Variants in CASK observed in about 807,000 individuals in gnomAD.
CASK encodes calcium/calmodulin dependent serine protein kinase, also known as peripheral plasma membrane protein CASK.
In CASK, 4 loss-of-function variants were observed where a neutral mutation model predicts 82.9. The observed-to-expected ratio is 0.05, with a 90% CI of 0.02 to 0.11. CASK has a LOEUF of 0.11. Ranked by LOEUF, CASK falls within the 10% of genes least tolerant of loss-of-function variation. The probability of loss-of-function intolerance (pLI) is 1.00; values close to 1 mark genes in which losing one functional copy is unlikely to be tolerated. For missense variants in CASK, 358 were observed against 720.9 expected (o/e 0.50, Z 5.76); for synonymous variants, 259 against 253.5 (o/e 1.02, Z -0.20).
At chrX:41,833,061 C>T in intron 2 of CASK, among the ~76,000 whole-genome samples, 1 of 112,228 alleles carries the variant, frequency 8.9e-6, no homozygotes, top group Non-Finnish European at 1.9e-5. Context: ...TGGGAATGTG[C>T]ATGTTGAATG....
intron 5 of CASK, chrX:41,697,127 A>C (rs2067704113): frequency 6.6e-6 from 1 of 151,383 alleles, no homozygotes; most frequent in Non-Finnish European, 1.4e-5. Flanking sequence ...TGTGTTTAAA[A>C]GTAAATGATT....
chrX:41,836,034 C>A (rs900911444), intron 2 of CASK, among the ~76,000 whole-genome samples: 4 of 111,632 alleles, frequency 3.6e-5, no homozygotes, highest in African/African-American at 1.3e-4. Context: ...TCAAAACAGA[C>A]ACACATACAC....
intron 2 of CASK, among the ~76,000 whole-genome samples, chrX:41,804,686 G>C (rs2070076667): frequency 9.0e-6 from 1 of 111,350 alleles, no homozygotes; most frequent in African/African-American, 3.3e-5. Context: ...TTTTTGGGAA[G>C]GGTTATTTTA....
Position 41,854,224 on chromosome X carries a change from G to GCACACACA in CASK, c.60-1005_60-998dup, listed in dbSNP as rs4007745. 7.6e-3 allele frequency among the ~76,000 whole-genome samples: 623 copies of GCACACACA among 81,649 alleles called. 6 individuals carry two copies. Among genetic ancestry groups the GCACACACA allele is most frequent in the African/African-American group, 0.019 (418 of 21,718 alleles). The allele number at this position is 81,649 out of a possible 115,157, so 70.9% of individuals were successfully genotyped here. A position where few individuals can be genotyped will look rare whatever the true frequency, so the allele number is the denominator to read the frequency against. The stretch of plus-strand genomic sequence containing the variant: ...AACATGCGCGCGCGCGCGGGCGCGC[G>GCACACACA]CACACACACACACACACACACACAC... On this transcript the variant is annotated intron_variant, in intron 1 of 26. Coordinates refer to ENST00000378163, the MANE Select transcript of CASK (RefSeq NM_001367721.1).
Position 41,660,537 on chromosome X carries a change from T to C in CASK, c.733A>G (p.Ile245Val), listed in dbSNP as rs1459833004. ...YKMNPRQWSH[I>V]SESAKDLVRR... ...ACTAGGTCTTTGGCACTTTCAGAGA[T>C]ATGGCTCCACTGCCTTGGATTCATC... The change falls in exon 8 of 27, where the codon ATC becomes GTC. Residue 245 changes from isoleucine (I) to valine (V), a missense_variant. Ile to Val is a conservative substitution (Grantham distance 29). Coordinates refer to ENST00000378163, the MANE Select transcript of CASK (RefSeq NM_001367721.1). The C allele has an allele frequency of 8.3e-7, 1 of 1,205,227 alleles. No homozygotes were observed. The highest frequency in any genetic ancestry group is 1.8e-5 in the South Asian group (1 of 56,858).
At chrX:41,908,597 A>T (rs779359334) in intron 1 of CASK, among the ~76,000 whole-genome samples, 22 of 112,094 alleles carry the variant, frequency 2.0e-4, no homozygotes, top group Non-Finnish European at 3.8e-4. Flanking sequence ...ACAGGCTACC[A>T]CCACTACCTA....
intron 3 of CASK, among the ~76,000 whole-genome samples, chrX:41,785,732 C>G (rs1489291029): frequency 8.9e-6 from 1 of 111,844 alleles, no homozygotes; most frequent in Admixed American, 9.5e-5. Context: ...TGTTAGCTAG[C>G]CCTTTGTAGG....
At chrX:41,665,204 C>G in intron 7 of CASK, 73 bp downstream of exon 7, 1 of 907,255 alleles carries the variant, frequency 1.1e-6, no homozygotes, top group Non-Finnish European at 1.6e-6. Flanking sequence ...CAAAGACAGA[C>G]AGTAACTTCA....
chrX:41,889,278 T>C (rs986037811), intron 1 of CASK, among the ~76,000 whole-genome samples: 1 of 109,630 alleles, frequency 9.1e-6, no homozygotes, highest in Admixed American at 9.8e-5. Context: ...AGTGTAAGAG[T>C]GTTCCCTTTT....
chrX:41,567,331 T>A (rs2065333769), intron 16 of CASK, among the ~76,000 whole-genome samples: 1 of 112,007 alleles, frequency 8.9e-6, no homozygotes, highest in African/African-American at 3.2e-5. Flanking sequence ...ATTTTTGCAA[T>A]CTACCCATCT....
chrX:41,534,656 A>C, intron 24 of CASK, 50 bp downstream of exon 24: 1 of 981,100 alleles, frequency 1.0e-6, no homozygotes, highest in Non-Finnish European at 1.5e-6. Context: ...TTATAGAGTT[A>C]AAAAAGTGAT....
At chrX:41,660,383 T>C in intron 8 of CASK, 56 bp downstream of exon 8, 2 of 1,017,077 alleles carry the variant, frequency 2.0e-6, no homozygotes, top group Non-Finnish European at 1.4e-6. Context: ...AACGCATTCC[T>C]GTCACTGGAA....
rs1460248705 is a variant in CASK, at chrX:41,515,695, A to T, written c.*4725T>A. The T allele has an allele frequency of 2.7e-5, 3 of 111,630 alleles. No homozygotes were observed. The highest frequency in any genetic ancestry group is 5.7e-5 in the Non-Finnish European group (3 of 53,081). The allele number at this position is 111,630 out of a possible 1,213,427, so 9.2% of individuals were successfully genotyped here. A position where few individuals can be genotyped will look rare whatever the true frequency, so the allele number is the denominator to read the frequency against. On this transcript the variant is annotated 3_prime_UTR_variant, in exon 27 of 27. Transcript: ENST00000378163. ...TTCTTGGTCTCTTCCAAATAAAAAAAAAATAGGGGGAGCCACTCACTGTGG... is the reference window on the plus strand; with the variant it reads ...TTCTTGGTCTCTTCCAAATAAAAAATAAATAGGGGGAGCCACTCACTGTGG...
At chrX:41,830,774 C>A (rs1278189915) in intron 2 of CASK, among the ~76,000 whole-genome samples, 1 of 98,839 alleles carries the variant, frequency 1.0e-5, no homozygotes, top group Non-Finnish European at 2.0e-5. Flanking sequence ...GAGCCGAGAT[C>A]GCGCCACTGC....
In CASK at chrX:41,517,201, T is replaced by C. The variant is rs2064563398; in HGVS notation, c.*3219A>G. 8.8e-6 allele frequency: 1 copy of C among 113,575 alleles called. No individual in the cohort carries two copies. The highest frequency in any genetic ancestry group is 3.2e-5 in the African/African-American group (1 of 30,826). 9.4% of individuals were successfully genotyped at this position (113,575 alleles called of 1,213,427 possible). A position where few individuals can be genotyped will look rare whatever the true frequency, so the allele number is the denominator to read the frequency against. On this transcript the variant is annotated 3_prime_UTR_variant, in exon 27 of 27. Transcript: ENST00000378163. ...ACAGGAACACCTCCTGCATTTCTAC[T>C]GCAGTGGGGGACTTTGCGACATCTT...
intron 5 of CASK, among the ~76,000 whole-genome samples, chrX:41,688,117 C>T (rs1346292368): frequency 3.6e-5 from 4 of 110,247 alleles, no homozygotes; most frequent in African/African-American, 1.3e-4. Flanking sequence ...GTAAGAGCTA[C>T]AAAACATTTT....
At chrX:41,648,138 C>T (rs2066794615) in intron 8 of CASK, among the ~76,000 whole-genome samples, 1 of 111,326 alleles carries the variant, frequency 9.0e-6, no homozygotes, top group East Asian at 2.8e-4. Context: ...AAAGAGAATG[C>T]GCACCTAGGA....
rs776178113 is a variant in CASK at position 41,675,695 on chromosome X, T to A, written c.430-4165A>T. ...AAATAAAAAACTTTGTGGGACAGCA[T>A]GGATGACAAATGGTCTACTGTGTAA... On this transcript the variant is annotated intron_variant, in intron 5 of 26. Transcript: ENST00000378163. 9.9e-6 allele frequency: 10 copies of A among 1,005,329 alleles called. No homozygotes were observed. In the East Asian group the frequency reaches 3.0e-4, roughly 31 times the overall value. 82.9% of individuals were successfully genotyped at this position (1,005,329 alleles called of 1,213,427 possible).
At chrX:41,733,466 TG>T (rs1359223639) in intron 5 of CASK, among the ~76,000 whole-genome samples, 1 of 111,562 alleles carries the variant, frequency 9.0e-6, no homozygotes, top group African/African-American at 3.3e-5. Context: ...TAAAGAATAG[TG>T]GCTGGGCACG....
Sources: gnomAD v4.1 joint callset for allele counts (sites outside exome capture counted in the v4.1 genomes callset) on GRCh38, gnomAD v4.1.1 for gene constraint, MANE v1.5 for transcripts, NCBI Gene and HGNC (gene_info 2026-07-23, HGNC 2026-07-21) for gene names.